Variants in CACNA1H observed in about 807,000 individuals in gnomAD.
CACNA1H encodes voltage-dependent T-type calcium channel subunit alpha-1H.
CACNA1H carries 149 observed loss-of-function variants against 192.5 expected under a neutral mutation model. The ratio of observed to expected loss-of-function variants is 0.77; its 90% CI spans 0.68 to 0.89. CACNA1H has a LOEUF of 0.89. Ranked by LOEUF, CACNA1H falls within the 40% of genes least tolerant of loss-of-function variation. The probability of loss-of-function intolerance (pLI) is 0.00; values close to 1 mark genes in which losing one functional copy is unlikely to be tolerated. For missense variants in CACNA1H, 4,257 were observed against 3,423.5 expected (o/e 1.24, Z -6.08); for synonymous variants, 2,202 against 1,475.2 (o/e 1.49, Z -11.29).
chr16:1,178,587 C>G (rs898071778), intron 2 of CACNA1H, among the ~76,000 whole-genome samples: 2 of 152,178 alleles, frequency 1.3e-5, no homozygotes, highest in African/African-American at 4.8e-5. Flanking sequence ...AGCATGGTCT[C>G]GGACTCCAGC....
At chr16:1,168,880 C>T (rs543254010) in intron 2 of CACNA1H, among the ~76,000 whole-genome samples, 12 of 152,192 alleles carry the variant, frequency 7.9e-5, no homozygotes, top group Admixed American at 3.9e-4. Flanking sequence ...CTTTAGGGGC[C>T]GCAGGGGGTG....
chr16:1,183,925 A>T (rs1027957728), intron 2 of CACNA1H, among the ~76,000 whole-genome samples: 4 of 152,212 alleles, frequency 2.6e-5, no homozygotes, highest in Non-Finnish European at 4.4e-5. Context: ...TTAATTAACG[A>T]CAGGTGCCCT....
intron 16 of CACNA1H, among the ~76,000 whole-genome samples, 186 bp from the exon 17 acceptor site, chr16:1,208,846 A>C: frequency 6.6e-6 from 1 of 152,034 alleles, no homozygotes; most frequent in East Asian, 1.9e-4. Flanking sequence ...GGACACCCTG[A>C]CCCTCATGAG....
At chr16:1,217,887 C>G in intron 31 of CACNA1H, 32 bp from the exon 32 acceptor site, 1 of 1,573,082 alleles carries the variant, frequency 6.4e-7, no homozygotes, top group Non-Finnish European at 8.6e-7. Context: ...GGAGCGGGCT[C>G]GGCTGACCGG....
chr16:1,206,970 A>T (rs1210664379), intron 12 of CACNA1H, 31 bp from the exon 13 acceptor site: 2 of 958,636 alleles, frequency 2.1e-6, no homozygotes, highest in Non-Finnish European at 2.8e-6. Context: ...CCCTGCCTCC[A>T]CCCTCAACAC....
Position 1,153,728 on chromosome 16 carries a change from G to GA in CACNA1H, c.-10_-9insA. 1 of 1,203,566 alleles carries GA rather than the reference G, an allele frequency of 8.3e-7. No homozygotes were observed. The highest frequency in any genetic ancestry group is 1.0e-6 in the Non-Finnish European group (1 of 970,236). 74.6% of individuals were successfully genotyped at this position (1,203,566 alleles called of 1,614,324 possible). On this transcript the variant is annotated 5_prime_UTR_variant, in exon 2 of 35. Transcript: ENST00000348261. ...CCCCCTGTCCTCTGCAGGTGCTGCC[G>GA]GCCGCCACCATGACCGAGGGCGCAC...
chr16:1,164,520 A>C (rs1963557093), intron 2 of CACNA1H, among the ~76,000 whole-genome samples: 1 of 152,164 alleles, frequency 6.6e-6, no homozygotes, highest in Admixed American at 6.5e-5. Context: ...TCTCAGCCTG[A>C]TAACTGAGAT....
chr16:1,184,352 G>A (rs76843035), intron 2 of CACNA1H, among the ~76,000 whole-genome samples: 4,219 of 152,350 alleles, frequency 0.028, 146 homozygotes, highest in African/African-American at 0.075. Context: ...GCGTGGGACC[G>A]AGGCTCAGGG....
rs1966853703 is a variant in CACNA1H at position 1,194,903 on chromosome 16, G to C, written c.300-69G>C. The C allele has an allele frequency of 1.4e-5, 16 of 1,142,216 alleles. No homozygotes were observed. In the East Asian group the frequency reaches 3.8e-4, roughly 27 times the overall value. The allele number at this position is 1,142,216 out of a possible 1,614,324, so 70.8% of individuals were successfully genotyped here. A position where few individuals can be genotyped will look rare whatever the true frequency, so the allele number is the denominator to read the frequency against. On this transcript the variant is annotated intron_variant, in intron 2 of 34. Transcript: ENST00000348261. ...TGGCGGGGCTCCGGCTGACCGGGTG[G>C]GCATTTGGAGGGCCCCATGGGAGCG...
At position 1,212,827 on chromosome 16, in the gene CACNA1H, C is replaced by T. The variant is rs866262195; in HGVS notation, c.4777+299C>T. Among the ~76,000 whole-genome samples the T allele has an allele frequency of 2.6e-5, 4 of 152,218 alleles. No homozygotes were observed. In the South Asian group the frequency reaches 8.3e-4, roughly 31 times the overall value. On this transcript the variant is annotated intron_variant, in intron 26 of 34. Transcript: ENST00000348261. ...GGCTTGTGGCTGTCCTGTGTCCTTGCTGGTCCAGCCTGACTGGCCGCGGGC... is the reference window on the plus strand; with the variant it reads ...GGCTTGTGGCTGTCCTGTGTCCTTGTTGGTCCAGCCTGACTGGCCGCGGGC...
In CACNA1H at chr16:1,210,612, C is replaced by T. The variant is rs1267719605; in HGVS notation, c.3999C>T (p.Tyr1333=). 4.4e-6 allele frequency: 7 copies of T among 1,607,526 alleles called. No individual in the cohort carries two copies. The highest frequency in any genetic ancestry group is 5.9e-6 in the Non-Finnish European group (7 of 1,179,816). ...TERVFLSVSN[Y]IFTAIFVAEM... ...GGGTCTTCCTCAGCGTCTCCAATTA[C>T]ATCTTCACGGCCATCTTCGTGGCGG... The change falls in exon 20 of 35, where the codon TAC becomes TAT. Residue 1333 remains tyrosine, a synonymous_variant. Transcript: ENST00000348261.
intron 2 of CACNA1H, among the ~76,000 whole-genome samples, chr16:1,194,399 C>A (rs1008649604): frequency 6.6e-6 from 1 of 152,186 alleles, no homozygotes; most frequent in Admixed American, 6.5e-5. Flanking sequence ...CTCTGGTTCC[C>A]TGGTCAGGGT....
In CACNA1H at chr16:1,200,411, A is replaced by G. The variant is rs888965746; in HGVS notation, c.959A>G (p.Glu320Gly). 1 of 1,608,604 alleles carries G rather than the reference A, an allele frequency of 6.2e-7. No individual in the cohort carries two copies. Among genetic ancestry groups the G allele is most frequent in the Non-Finnish European group, 8.5e-7 (1 of 1,178,762 alleles). Residue 320 changes from glutamate to glycine, a missense_variant, in exon 7 of 35, where the codon GAG (glutamate) becomes GGG (glycine). Glu to Gly is a moderately conservative substitution (Grantham distance 98). Transcript: ENST00000348261. ...CGCATGCCCTGCACCCTGGGCTGGG[A>G]GGCCTACACGCAGCCGCAGGCCGAG... ...ELRMPCTLGW[E>G]AYTQPQAEGV...
chr16:1,159,183 C>A (rs1437580657), intron 2 of CACNA1H, among the ~76,000 whole-genome samples: 2 of 152,214 alleles, frequency 1.3e-5, no homozygotes, highest in East Asian at 3.9e-4. Flanking sequence ...CCGCAGAGTG[C>A]CCGGGTGTCC....
intron 2 of CACNA1H, among the ~76,000 whole-genome samples, chr16:1,186,834 CA>C (rs1966114955): frequency 6.6e-6 from 1 of 152,212 alleles, no homozygotes; most frequent in Non-Finnish European, 1.5e-5. Context: ...CCGTGACCAC[CA>C]CCATGACCGG....
chr16:1,167,612 C>T lies in CACNA1H; in HGVS notation c.299+13576C>T, dbSNP rs1028002386. Among the ~76,000 whole-genome samples, 2 of 152,314 alleles carry T rather than the reference C, an allele frequency of 1.3e-5. No individual in the cohort carries two copies. The highest frequency in any genetic ancestry group is 2.4e-5 in the African/African-American group (1 of 41,570). On this transcript the variant is annotated intron_variant, in intron 2 of 34. Transcript: ENST00000348261. The surrounding 1 kb of genome is among the most constrained non-coding windows in gnomAD (Gnocchi z 4.2). The stretch of plus-strand genomic sequence containing the variant: ...GCCACTAATGGGGTTGCCGTGGCAA[C>T]GCCTGTCACTAATCCCCAGCTGCTC...
intron 2 of CACNA1H, among the ~76,000 whole-genome samples, chr16:1,192,691 G>A (rs1243759078): frequency 6.6e-6 from 1 of 152,158 alleles, no homozygotes; most frequent in Non-Finnish European, 1.5e-5. Flanking sequence ...CCCTAGCCTA[G>A]GGCACCCTCT....
intron 6 of CACNA1H, 50 bp downstream of exon 6, chr16:1,198,824 C>A: frequency 6.4e-7 from 1 of 1,552,952 alleles, no homozygotes; most frequent in Non-Finnish European, 8.7e-7. Flanking sequence ...GCCCTGCCCA[C>A]CATGCAGATA....
rs375390442 is a variant in CACNA1H at position 1,202,205 on chromosome 16, G to C, written c.1755G>C (p.Pro585=). 6.4e-7 allele frequency: 1 copy of C among 1,552,906 alleles called. No homozygotes were observed. Among genetic ancestry groups the C allele is most frequent in the Non-Finnish European group, 8.7e-7 (1 of 1,149,462 alleles). The change falls in exon 9 of 35, where the codon CCG becomes CCC. Residue 585 remains proline (P), a synonymous_variant. Coordinates refer to ENST00000348261, the MANE Select transcript of CACNA1H (RefSeq NM_021098.3). ...ATGCCGACTGCCACATAGAGGGGCC[G>C]CAGGAGAGGGCCCGGGTGGCACATG... ...IYHADCHIEG[P]QERARVAHAA...
Sources: gnomAD v4.1 joint callset for allele counts (sites outside exome capture counted in the v4.1 genomes callset) on GRCh38, gnomAD v4.1.1 for gene constraint, Gnocchi (gnomAD v3.1) non-coding constraint, MANE v1.5 for transcripts, NCBI Gene and HGNC (gene_info 2026-07-23, HGNC 2026-07-21) for gene names.